LRP2: variants seen among roughly 807,000 people sequenced by gnomAD.
LRP2 encodes low-density lipoprotein receptor-related protein 2.
LRP2 carries 172 observed loss-of-function variants against 531.0 expected under a neutral mutation model. The observed-to-expected ratio is 0.32, with a 90% CI of 0.29 to 0.37. The LOEUF (loss-of-function observed/expected upper bound fraction) is 0.37, where lower values mean the gene tolerates loss of function less well. Among genes scored for constraint, LRP2 ranks in the 10% least tolerant of loss-of-function variants. The pLI is 1.00. For synonymous variants in LRP2, 1,992 were observed against 2,027.6 expected, an observed-to-expected ratio of 0.98 and a Z score of 0.47; for missense variants, 5,167 against 5,868.3, an observed-to-expected ratio of 0.88 and a Z score of 3.90.
intron 41 of LRP2, 137 bp from the exon 42 acceptor site, chr2:169,204,408 G>C (rs1266316057): frequency 1.2e-5 from 10 of 806,554 alleles, no homozygotes; most frequent in Non-Finnish European, 2.1e-5. Context: ...TATGGCAGCT[G>C]GAAATGTTTC....
chr2:169,311,505 C>T (rs370061794), intron 3 of LRP2, among the ~76,000 whole-genome samples: 19 of 152,228 alleles, frequency 1.2e-4, no homozygotes, highest in African/African-American at 3.1e-4. Context: ...TGTAGTTGAG[C>T]GGTTTTGAGT....
At chr2:169,292,151 T>C in intron 7 of LRP2, 102 bp downstream of exon 7, 4 of 934,050 alleles carry the variant, frequency 4.3e-6, no homozygotes, top group South Asian at 2.6e-5. Context: ...ATCCTGAGGC[T>C]TGCTTGTCAC....
At chr2:169,129,153 T>G (rs1000728019) in intron 77 of LRP2, 69 bp from the exon 78 acceptor site, 1 of 1,150,648 alleles carries the variant, frequency 8.7e-7, no homozygotes, top group Non-Finnish European at 1.3e-6. Context: ...TTTCCTCCTG[T>G]CTCAGTTTTA....
At chr2:169,247,944 C>T (rs895503173) in intron 19 of LRP2, among the ~76,000 whole-genome samples, 1 of 152,166 alleles carries the variant, frequency 6.6e-6, no homozygotes, top group African/African-American at 2.4e-5. Context: ...TTCCTGAGAT[C>T]CTTCCCAGGT....
At position 169,207,140 on chromosome 2, in the gene LRP2, G is replaced by T; in HGVS notation, c.6580C>A (p.His2194Asn). The change falls in exon 39 of 79, where the codon CAT (histidine) becomes AAT (asparagine). Residue 2194 changes from histidine (H) to asparagine (N), a missense_variant. His to Asn is a moderately conservative substitution (Grantham distance 68, BLOSUM62 1). This residue lies in a region of LRP2 where 2,811 missense variants were observed against 3,058.0 expected (regional missense o/e 0.92). Transcript: ENST00000649046. ...CTGTTCTTGGGATCTACAACAATAT[G>T]CCTAGGCATGTCCACTGTGACTTTA... ...LLKVTVDMPR[H>N]IVVDPKNRYL... The T allele has an allele frequency of 6.2e-7, 1 of 1,613,028 alleles. No individual in the cohort carries two copies. Among genetic ancestry groups the T allele is most frequent in the Non-Finnish European group, 8.5e-7 (1 of 1,179,530 alleles).
chr2:169,231,187 A>G (rs567393145), intron 31 of LRP2, among the ~76,000 whole-genome samples: 1 of 152,128 alleles, frequency 6.6e-6, no homozygotes, highest in East Asian at 1.9e-4. Context: ...TCATCTACTC[A>G]GGAGGCTGAG....
chr2:169,292,887 G>A (rs1684036981), intron 6 of LRP2, among the ~76,000 whole-genome samples: 2 of 151,142 alleles, frequency 1.3e-5, no homozygotes, highest in Admixed American at 6.6e-5. Flanking sequence ...GCAATGCGTT[G>A]GCACAGAACA....
Position 169,206,380 on chromosome 2 carries a change from G to A in LRP2, c.7340C>T (p.Ser2447Phe). ...QNLASGVGQI[S>F]YATLSSGIHT... is the part of the protein sequence containing the mutation. The stretch of plus-strand genomic sequence containing the variant: ...GATCCCTGAAGACAGGGTGGCATAG[G>A]AAATCTGTCCAACTCCAGAGGCTAA... The change falls in exon 39 of 79, where the codon TCC becomes TTC. Residue 2447 changes from serine to phenylalanine, a missense_variant. Transcript: ENST00000649046. The A allele has an allele frequency of 1.2e-6, 2 of 1,614,132 alleles. No individual in the cohort carries two copies. The highest frequency in any genetic ancestry group is 1.7e-6 in the Non-Finnish European group (2 of 1,180,022).
intron 14 of LRP2, 60 bp downstream of exon 14, chr2:169,274,976 T>G: frequency 2.6e-6 from 4 of 1,542,576 alleles, no homozygotes; most frequent in Non-Finnish European, 2.7e-6. Context: ...TTCAAAGCTT[T>G]GAGAAAACCT....
At chr2:169,154,777 C>T (rs1033795953) in intron 65 of LRP2, among the ~76,000 whole-genome samples, 174 bp from the exon 66 acceptor site, 6 of 152,140 alleles carry the variant, frequency 3.9e-5, no homozygotes, top group African/African-American at 7.2e-5. Flanking sequence ...TTACAAAATC[C>T]GTGACTTGAC....
In LRP2 at chr2:169,246,881, C is replaced by G; in HGVS notation, c.3014G>C (p.Arg1005Thr). 2 of 1,614,170 alleles carry G rather than the reference C, an allele frequency of 1.2e-6. No individual in the cohort carries two copies. The highest frequency in any genetic ancestry group is 1.6e-4 in the Middle Eastern group (1 of 6,062). The change falls in exon 21 of 79, where the codon AGG (arginine) becomes ACG (threonine). Residue 1005 changes from arginine (R) to threonine (T), a missense_variant. By Grantham distance (71) the Arg-to-Thr change is moderately conservative. Coordinates refer to ENST00000649046, the MANE Select transcript of LRP2 (RefSeq NM_004525.3). ...GCATGTCAAGTGATTGGAAGCCAGC[C>G]TCATTCCATAAGGGCACCCACACAC... Reference protein sequence around the residue: ...QRVCGCPYGMRLASNHLTCEG... With the variant: ...QRVCGCPYGMTLASNHLTCEG...
At chr2:169,319,948 G>T (rs1241329896) in intron 2 of LRP2, among the ~76,000 whole-genome samples, 2 of 152,124 alleles carry the variant, frequency 1.3e-5, no homozygotes, top group African/African-American at 4.8e-5. Flanking sequence ...CCATAACATG[G>T]CCAACAATTC....
intron 17 of LRP2, 90 bp downstream of exon 17, chr2:169,258,935 T>C: frequency 8.8e-7 from 1 of 1,135,046 alleles, no homozygotes. Flanking sequence ...TTATATTTGC[T>C]GAACTTACCT....
intron 16 of LRP2, among the ~76,000 whole-genome samples, chr2:169,260,860 G>A (rs1270568634): frequency 8.0e-6 from 1 of 124,430 alleles, no homozygotes; most frequent in African/African-American, 2.6e-5. Flanking sequence ...AAGATCTCCA[G>A]GGTACACTAG....
At chr2:169,223,315 ACC>A (rs1225692285) in intron 33 of LRP2, among the ~76,000 whole-genome samples, 1 of 152,234 alleles carries the variant, frequency 6.6e-6, no homozygotes, top group African/African-American at 2.4e-5. Flanking sequence ...ACTGCATTGT[ACC>A]TAACACTAAT....
chr2:169,275,518 C>T (rs889717736), intron 13 of LRP2, among the ~76,000 whole-genome samples: 4 of 152,120 alleles, frequency 2.6e-5, no homozygotes, highest in Non-Finnish European at 5.9e-5. Context: ...ACTGTTTCCC[C>T]TTTTGTTCTT....
chr2:169,166,009 T>C lies in LRP2; in HGVS notation c.11681A>G (p.Asn3894Ser), dbSNP rs1391772890. 1 of 1,614,102 alleles carries C rather than the reference T, an allele frequency of 6.2e-7. No homozygotes were observed. Among genetic ancestry groups the C allele is most frequent in the South Asian group, 1.1e-5 (1 of 91,086 alleles). ...NSPNRFRCDN[N>S]RCIYSHEVCN... Reference sequence around the variant, plus strand: ...CACCTCATGACTATAAATGCAGCGATTGTTGTCACACCGGAAACGGTTTGG... The same window carrying C: ...CACCTCATGACTATAAATGCAGCGACTGTTGTCACACCGGAAACGGTTTGG... Residue 3894 changes from asparagine (N) to serine (S), a missense_variant, in exon 62 of 79, where the codon AAT becomes AGT. Asn to Ser is a conservative substitution (Grantham distance 46). Around this residue, in one of 6 missense-constraint regions of LRP2, gnomAD observed 564 missense variants for 747.7 expected, o/e 0.75. Transcript: ENST00000649046.
chr2:169,139,197 T>C, intron 74 of LRP2, 54 bp downstream of exon 74: 1 of 1,612,576 alleles, frequency 6.2e-7, no homozygotes, highest in Non-Finnish European at 8.5e-7. Context: ...TTCACATGGC[T>C]TCATATGAAT....
rs766059167 is a variant in LRP2 at position 169,220,478 on chromosome 2, C to A, written c.5624G>T (p.Gly1875Val). 1.2e-6 allele frequency: 2 copies of A among 1,613,502 alleles called. No individual in the cohort carries two copies. The highest frequency in any genetic ancestry group is 1.7e-6 in the Non-Finnish European group (2 of 1,179,570). ...CCCACGAGCAGGATCAACAGTTATGCCAATTGGAAAGCCAACTCCAAGAGC... is the reference window on the plus strand; with the variant it reads ...CCCACGAGCAGGATCAACAGTTATGACAATTGGAAAGCCAACTCCAAGAGC... The part of the protein sequence containing the change: ...GTALGVGFPI[G>V]ITVDPARGKL... Residue 1875 changes from glycine to valine, a missense_variant, in exon 34 of 79, where the codon GGC (glycine) becomes GTC (valine). Physicochemically the swap from Gly to Val is moderately radical, Grantham distance 109. Around this residue, in one of 6 missense-constraint regions of LRP2, gnomAD observed 2,811 missense variants for 3,058.0 expected, o/e 0.92. Transcript: ENST00000649046.
Sources: allele counts gnomAD v4.1 joint callset (sites outside exome capture counted in the v4.1 genomes callset), GRCh38; gene constraint gnomAD v4.1.1; regional missense constraint gnomAD v4.1.1; transcripts MANE v1.5; gene names NCBI Gene and HGNC (gene_info 2026-07-23, HGNC 2026-07-21).